Variants in CCDC158 observed in about 807,000 individuals in gnomAD.
CCDC158 encodes coiled-coil domain-containing protein 158.
A neutral mutation model predicts 138.6 loss-of-function variants in CCDC158; 116 were observed. The ratio of observed to expected loss-of-function variants is 0.84; its 90% CI spans 0.72 to 0.98. The LOEUF is 0.98. Ranked by LOEUF, CCDC158 falls within the 50% of genes least tolerant of loss-of-function variation. The pLI is 0.00. For missense variants in CCDC158, 1,265 were observed against 1,306.1 expected (o/e 0.97, Z 0.48); for synonymous variants, 436 against 442.4 (o/e 0.99, Z 0.18).
At position 76,344,532 on chromosome 4, in the gene CCDC158, T is replaced by A. The variant is rs572708157; in HGVS notation, c.2664+6464A>T. 122 of 912,328 alleles carry A rather than the reference T, an allele frequency of 1.3e-4. No individual in the cohort carries two copies. The African/African-American group carries it at 1.6e-3, about 12-fold the overall frequency. 56.5% of individuals were successfully genotyped at this position (912,328 alleles called of 1,614,324 possible). A position where few individuals can be genotyped will look rare whatever the true frequency, so the allele number is the denominator to read the frequency against. On this transcript the variant is annotated intron_variant, in intron 18 of 24. Transcript: ENST00000682701. ...CAGCCAGTGCCTGATGTGCCCCAGC[T>A]GGGAAGCTGATGAATAGCTGACATC...
At chr4:76,369,825 G>A (rs1348844165) in intron 10 of CCDC158, among the ~76,000 whole-genome samples, 2 of 152,032 alleles carry the variant, frequency 1.3e-5, no homozygotes, top group Non-Finnish European at 2.9e-5. Flanking sequence ...AGCATTACTA[G>A]TCTATCTCGA....
chr4:76,348,384 G>C (rs1482303012), intron 18 of CCDC158, among the ~76,000 whole-genome samples: 2 of 141,276 alleles, frequency 1.4e-5, no homozygotes, highest in African/African-American at 5.2e-5. Flanking sequence ...GTGGTGAGCT[G>C]AGATTGTGCC....
intron 1 of CCDC158, among the ~76,000 whole-genome samples, chr4:76,414,539 C>G (rs971136180): frequency 3.9e-5 from 6 of 152,158 alleles, no homozygotes; most frequent in Non-Finnish European, 8.8e-5. Flanking sequence ...AGTTGAGACT[C>G]CTGATATGGT....
intron 20 of CCDC158, among the ~76,000 whole-genome samples, chr4:76,332,063 T>TA (rs1721059740): frequency 6.6e-6 from 1 of 152,202 alleles, no homozygotes; most frequent in Non-Finnish European, 1.5e-5. Context: ...AAGGTGCTTA[T>TA]AGTCCTAAAT....
chr4:76,323,525 G>A (rs1473272429), intron 23 of CCDC158, 116 bp from the exon 24 acceptor site: 2 of 691,574 alleles, frequency 2.9e-6, no homozygotes, highest in Admixed American at 6.0e-5. Flanking sequence ...TTTTTTTCAT[G>A]ACAAATTCTA....
At chr4:76,365,280 C>T (rs1452363387) in intron 12 of CCDC158, among the ~76,000 whole-genome samples, 1 of 152,118 alleles carries the variant, frequency 6.6e-6, no homozygotes, top group East Asian at 1.9e-4. Flanking sequence ...CTATGATTCC[C>T]CCACCTTTTT....
chr4:76,376,710 A>C (rs1337197188), intron 9 of CCDC158, among the ~76,000 whole-genome samples: 4 of 152,170 alleles, frequency 2.6e-5, no homozygotes, highest in Non-Finnish European at 5.9e-5. Flanking sequence ...ACTTAGCTAT[A>C]TTTACATGGC....
chr4:76,379,977 TG>T (rs1407626947), intron 8 of CCDC158, among the ~76,000 whole-genome samples: 1 of 152,120 alleles, frequency 6.6e-6, no homozygotes, highest in Non-Finnish European at 1.5e-5. Context: ...CATGGTAAGA[TG>T]TGTTTGCTTT....
upstream of CCDC158, among the ~76,000 whole-genome samples, chr4:76,421,415 C>T (rs1730119831): frequency 6.6e-6 from 1 of 152,076 alleles, no homozygotes; most frequent in African/African-American, 2.4e-5. Flanking sequence ...AATCCTGGAG[C>T]CCTGCCCCAG....
intron 18 of CCDC158, among the ~76,000 whole-genome samples, chr4:76,350,003 T>C (rs1051907933): frequency 1.1e-4 from 17 of 152,324 alleles, no homozygotes; most frequent in African/African-American, 2.6e-4. Flanking sequence ...TTCTTTGTTG[T>C]TGCTTGATGT....
At chr4:76,330,617 C>G (rs900835295) in intron 21 of CCDC158, among the ~76,000 whole-genome samples, 1 of 152,136 alleles carries the variant, frequency 6.6e-6, no homozygotes, top group African/African-American at 2.4e-5. Context: ...ATGGTTGCAT[C>G]TATACTGAAC....
At chr4:76,351,346 A>G (rs1723021353) in intron 17 of CCDC158, among the ~76,000 whole-genome samples, 1 of 152,118 alleles carries the variant, frequency 6.6e-6, no homozygotes, top group African/African-American at 2.4e-5. Flanking sequence ...CACTTTTGCT[A>G]TTCCCCAAAC....
At chr4:76,341,950 A>C (rs999427958) in intron 18 of CCDC158, among the ~76,000 whole-genome samples, 4 of 152,210 alleles carry the variant, frequency 2.6e-5, no homozygotes, top group African/African-American at 9.6e-5. Flanking sequence ...ATCAACTTAA[A>C]ATTATTTTTA....
intron 18 of CCDC158, among the ~76,000 whole-genome samples, chr4:76,341,701 T>C (rs1024857244): frequency 6.6e-5 from 10 of 152,250 alleles, no homozygotes; most frequent in African/African-American, 2.4e-4. Flanking sequence ...TATGTGTATA[T>C]GTATGTATAT....
chr4:76,376,744 CCAAACCAA>C (rs1725753318), intron 9 of CCDC158, among the ~76,000 whole-genome samples: 1 of 152,162 alleles, frequency 6.6e-6, no homozygotes, highest in Non-Finnish European at 1.5e-5. Flanking sequence ...TGCTCCCTGA[CCAAACCAA>C]AGGGAGTTAC....
chr4:76,326,547 C>T (rs1205786262), intron 22 of CCDC158, among the ~76,000 whole-genome samples: 3 of 152,112 alleles, frequency 2.0e-5, no homozygotes, highest in African/African-American at 7.2e-5. Flanking sequence ...CAAGTGAATT[C>T]TTCTTATCTG....
At chr4:76,414,651 G>A (rs184525749) in intron 1 of CCDC158, among the ~76,000 whole-genome samples, 183 of 152,316 alleles carry the variant, frequency 1.2e-3, no homozygotes, top group Non-Finnish European at 2.0e-3. Flanking sequence ...ATGGAGGCCG[G>A]TCTTTCCCGT....
intron 8 of CCDC158, among the ~76,000 whole-genome samples, chr4:76,381,973 G>A (rs958633272): frequency 3.9e-5 from 6 of 152,194 alleles, no homozygotes; most frequent in Non-Finnish European, 1.5e-5. Context: ...AAGCCACCAT[G>A]CCCAGCCAAT....
intron 2 of CCDC158, among the ~76,000 whole-genome samples, chr4:76,406,716 C>T (rs1359002338): frequency 6.6e-6 from 1 of 152,018 alleles, no homozygotes; most frequent in African/African-American, 2.4e-5. Context: ...ATTAAAAGGC[C>T]TTCTATTAAA....
Sources: allele counts gnomAD v4.1 joint callset (sites outside exome capture counted in the v4.1 genomes callset), GRCh38; gene constraint gnomAD v4.1.1; transcripts MANE v1.5; gene names NCBI Gene and HGNC (gene_info 2026-07-23, HGNC 2026-07-21).